Variants in AOAH observed in about 807,000 individuals in gnomAD.
AOAH encodes acyloxyacyl hydrolase (neutrophil).
In AOAH, 64 loss-of-function variants were observed where a neutral mutation model predicts 92.2. That is an observed-to-expected ratio of 0.69 (90% CI 0.57 to 0.86). The LOEUF is 0.86. Ranked by LOEUF, AOAH falls within the 40% of genes least tolerant of loss-of-function variation. AOAH has a pLI of 0.00. For missense variants in AOAH, 656 were observed against 694.6 expected (o/e 0.94, Z 0.62); for synonymous variants, 263 against 254.5 (o/e 1.03, Z -0.32).
chr7:36,704,573 A>C (rs1040223947), intron 1 of AOAH, among the ~76,000 whole-genome samples: 3 of 152,162 alleles, frequency 2.0e-5, no homozygotes, highest in Admixed American at 6.6e-5. Context: ...AAAGAGGAGG[A>C]GCTGGTACCA....
intron 13 of AOAH, among the ~76,000 whole-genome samples, chr7:36,576,080 A>C (rs1788478160): frequency 6.6e-6 from 1 of 152,214 alleles, no homozygotes; most frequent in Non-Finnish European, 1.5e-5. Flanking sequence ...ATGGCTTATC[A>C]ATCAGAAGTT....
At chr7:36,648,529 T>C (rs1794375445) in intron 4 of AOAH, among the ~76,000 whole-genome samples, 1 of 152,152 alleles carries the variant, frequency 6.6e-6, no homozygotes, top group South Asian at 2.1e-4. Context: ...TTTGACTTTG[T>C]GAAGGGGGCA....
At chr7:36,642,251 T>C (rs1783495740) in intron 4 of AOAH, among the ~76,000 whole-genome samples, 2 of 152,030 alleles carry the variant, frequency 1.3e-5, no homozygotes, top group African/African-American at 4.8e-5. Context: ...TAAGGTCATA[T>C]TGGAGTAGGG....
At chr7:36,616,604 C>G in intron 10 of AOAH, 130 bp from the exon 11 acceptor site, 1 of 697,922 alleles carries the variant, frequency 1.4e-6, no homozygotes, top group East Asian at 2.7e-5. Context: ...AATGCATTAC[C>G]ACTTTTCGCA....
chr7:36,690,012 T>C, intron 1 of AOAH: 1 of 309,366 alleles, frequency 3.2e-6, no homozygotes, highest in Non-Finnish European at 6.3e-6. Context: ...ACTCCATCAT[T>C]AGCATTTGTT....
At chr7:36,594,810 T>C (rs760852378) in intron 11 of AOAH, among the ~76,000 whole-genome samples, 4 of 152,156 alleles carry the variant, frequency 2.6e-5, no homozygotes, top group Non-Finnish European at 5.9e-5. Context: ...TGAAAAATAA[T>C]GCCTAATCCC....
intron 4 of AOAH, among the ~76,000 whole-genome samples, chr7:36,648,875 A>G (rs1253653681): frequency 1.3e-5 from 2 of 152,138 alleles, no homozygotes; most frequent in African/African-American, 2.4e-5. Context: ...AGGCCTTGTC[A>G]TTTATCTCAT....
intron 13 of AOAH, among the ~76,000 whole-genome samples, chr7:36,570,926 C>G (rs1242636413): frequency 1.3e-5 from 2 of 152,164 alleles, no homozygotes; most frequent in African/African-American, 2.4e-5. Flanking sequence ...AGAGGCTGAG[C>G]TAATATCGGC....
chr7:36,668,702 G>A (rs1303743621), intron 3 of AOAH, among the ~76,000 whole-genome samples: 1 of 152,194 alleles, frequency 6.6e-6, no homozygotes, highest in Non-Finnish European at 1.5e-5. Context: ...GGCCAAAGTG[G>A]TCTTAAACTC....
chr7:36,724,145 G>T lies in AOAH; in HGVS notation c.4C>A (p.Gln2Lys). The T allele has an allele frequency of 6.2e-7, 1 of 1,612,768 alleles. No homozygotes were observed. The highest frequency in any genetic ancestry group is 8.5e-7 in the Non-Finnish European group (1 of 1,179,180). ...ACCGTAAGGATTTTCCAGGGGGACT[G>T]CATCTCCGAGCTATGCACCCCAAGT... M[Q>K]SPWKILTVAP... The change falls in exon 1 of 21, where the codon CAG (glutamine) becomes AAG (lysine). Residue 2 changes from glutamine (Q) to lysine (K), a missense_variant. By Grantham distance (53) the Gln-to-Lys change is moderately conservative. Coordinates refer to ENST00000617537, the MANE Select transcript of AOAH (RefSeq NM_001637.4).
At chr7:36,617,596 G>A (rs1791993496) in intron 10 of AOAH, among the ~76,000 whole-genome samples, 1 of 152,226 alleles carries the variant, frequency 6.6e-6, no homozygotes, top group South Asian at 2.1e-4. Flanking sequence ...ATGAGTGAAT[G>A]AATGAATGAA....
intron 2 of AOAH, among the ~76,000 whole-genome samples, chr7:36,677,828 T>G (rs1475623764): frequency 6.6e-6 from 1 of 152,192 alleles, no homozygotes; most frequent in Non-Finnish European, 1.5e-5. Flanking sequence ...AACACTATGC[T>G]AAGGGAAAGA....
intron 1 of AOAH, among the ~76,000 whole-genome samples, chr7:36,720,352 T>C (rs867870780): frequency 6.2e-5 from 9 of 144,364 alleles, no homozygotes; most frequent in Non-Finnish European, 1.2e-4. Context: ...TTTTTTTTTT[T>C]AGTAGAGACA....
intron 1 of AOAH, among the ~76,000 whole-genome samples, chr7:36,707,607 C>T (rs78817539): frequency 0.018 from 2,674 of 152,190 alleles, 26 homozygotes; most frequent in Non-Finnish European, 0.027. Context: ...AGAAGTGCTG[C>T]GTGTCATTTT....
At chr7:36,631,843 C>G (rs1793132785) in intron 6 of AOAH, among the ~76,000 whole-genome samples, 193 bp downstream of exon 6, 1 of 152,190 alleles carries the variant, frequency 6.6e-6, no homozygotes, top group Non-Finnish European at 1.5e-5. Context: ...TGCTGGCATT[C>G]AGTATATTTC....
chr7:36,657,702 C>T (rs569271684), intron 4 of AOAH, among the ~76,000 whole-genome samples: 4 of 152,262 alleles, frequency 2.6e-5, no homozygotes, highest in East Asian at 1.9e-4. Flanking sequence ...TGGCGGTTCC[C>T]ACATGAAATC....
At chr7:36,540,199 C>A in intron 16 of AOAH, 120 bp downstream of exon 16, 1 of 997,008 alleles carries the variant, frequency 1.0e-6, no homozygotes, top group Non-Finnish European at 1.4e-6. Flanking sequence ...CCTTTATCAA[C>A]CCTGACCCAT....
At chr7:36,569,010 AG>A (rs562002625) in intron 13 of AOAH, among the ~76,000 whole-genome samples, 43 of 152,286 alleles carry the variant, frequency 2.8e-4, no homozygotes, top group African/African-American at 9.6e-4. Context: ...CTGTAAACAC[AG>A]ACACTTCCAT....
chr7:36,565,020 G>C (rs1488302925), intron 13 of AOAH, among the ~76,000 whole-genome samples: 1 of 152,204 alleles, frequency 6.6e-6, no homozygotes, highest in Non-Finnish European at 1.5e-5. Context: ...TTCTAAATGA[G>C]ATATGTCATA....
Sources: gnomAD v4.1 joint callset for allele counts (sites outside exome capture counted in the v4.1 genomes callset) on GRCh38, gnomAD v4.1.1 for gene constraint, MANE v1.5 for transcripts, NCBI Gene and HGNC (gene_info 2026-07-23, HGNC 2026-07-21) for gene names.